MEF2C: variants seen among roughly 807,000 people sequenced by gnomAD.
MEF2C encodes myocyte-specific enhancer factor 2C.
Under a neutral mutation model 50.5 loss-of-function variants are expected in MEF2C, and 6 were observed. The ratio of observed to expected loss-of-function variants is 0.12; its 90% CI spans 0.07 to 0.23. The LOEUF (loss-of-function observed/expected upper bound fraction) is 0.23. Ranked by LOEUF, MEF2C falls within the 10% of genes least tolerant of loss-of-function variation. MEF2C has a pLI of 1.00. For synonymous variants in MEF2C, 183 were observed against 228.0 expected, an observed-to-expected ratio of 0.80 and a Z score of 1.78; for missense variants, 276 against 605.0, an observed-to-expected ratio of 0.46 and a Z score of 5.70.
At chr5:88,782,375 A>G (rs1788530593) in intron 3 of MEF2C, among the ~76,000 whole-genome samples, 2 of 151,940 alleles carry the variant, frequency 1.3e-5, no homozygotes, top group African/African-American at 4.8e-5. Context: ...CTGAGGCAGG[A>G]GAATCACTTG....
chr5:88,856,066 G>T (rs1823214415), intron 1 of MEF2C, among the ~76,000 whole-genome samples: 1 of 152,146 alleles, frequency 6.6e-6, no homozygotes, highest in Non-Finnish European at 1.5e-5. Flanking sequence ...ATAGTGATAT[G>T]GACAATGAAA....
intron 6 of MEF2C, chr5:88,748,200 T>C (rs1770849231): frequency 6.1e-6 from 6 of 983,574 alleles, no homozygotes; most frequent in Non-Finnish European, 7.2e-6. Flanking sequence ...CAGGCTATTC[T>C]ACTTGACCCT....
intron 1 of MEF2C, among the ~76,000 whole-genome samples, chr5:88,881,565 C>G (rs928154668): frequency 6.6e-6 from 1 of 152,002 alleles, no homozygotes; most frequent in African/African-American, 2.4e-5. Flanking sequence ...CTATTTAAAG[C>G]TAAAATTGGT....
intron 1 of MEF2C, among the ~76,000 whole-genome samples, chr5:88,835,856 T>C (rs1814895674): frequency 7.0e-6 from 1 of 143,512 alleles, no homozygotes; most frequent in African/African-American, 2.6e-5. Flanking sequence ...TTCTAATAAA[T>C]AGAAAATTAA....
chr5:88,841,507 A>C (rs1272153064), intron 1 of MEF2C, among the ~76,000 whole-genome samples: 1 of 50,630 alleles, frequency 2.0e-5, no homozygotes, highest in Non-Finnish European at 3.3e-5. Context: ...ACTTTGTCTC[A>C]AAAAAAAAAA....
intron 1 of MEF2C, among the ~76,000 whole-genome samples, chr5:88,844,867 A>G (rs1006513905): frequency 6.6e-6 from 1 of 152,202 alleles, no homozygotes; most frequent in Non-Finnish European, 1.5e-5. Flanking sequence ...TTGACAATGA[A>G]TTGGAAAAAT....
rs3850652 is a variant in MEF2C at position 88,888,931 on chromosome 5, A to C, written c.-239-1333T>G. 5.3e-5 allele frequency: 8 copies of C among 152,148 alleles called. No homozygotes were observed. In the East Asian group the frequency reaches 1.5e-3, roughly 29 times the overall value. 9.4% of individuals were successfully genotyped at this position (152,148 alleles called of 1,614,324 possible). A position where few individuals can be genotyped will look rare whatever the true frequency, so the allele number is the denominator to read the frequency against. ...TTCATCAGAACATTGATTCTATCCC[A>C]TTTCTTGAAATATCACAGAAACCTT... On this transcript the variant is annotated intron_variant, in intron 1 of 11. Transcript: ENST00000340208.
chr5:88,898,549 A>G (rs901375124), intron 1 of MEF2C, among the ~76,000 whole-genome samples: 6 of 152,260 alleles, frequency 3.9e-5, no homozygotes, highest in African/African-American at 1.2e-4. Flanking sequence ...CTTCTCTGTA[A>G]AGAGATTTTC....
intron 1 of MEF2C, among the ~76,000 whole-genome samples, chr5:88,869,284 T>TAC (rs1828623605): frequency 9.1e-5 from 8 of 87,874 alleles, no homozygotes; most frequent in African/African-American, 1.9e-4. Context: ...TATACATATA[T>TAC]ATATATATAT....
chr5:88,873,693 T>C (rs187932221), intron 1 of MEF2C, among the ~76,000 whole-genome samples: 2 of 139,776 alleles, frequency 1.4e-5, no homozygotes, highest in Admixed American at 1.5e-4. Context: ...TGCAAATCTA[T>C]CAATGTCGTC....
intron 1 of MEF2C, among the ~76,000 whole-genome samples, chr5:88,841,853 T>C (rs960345107): frequency 2.0e-5 from 3 of 152,248 alleles, no homozygotes; most frequent in Non-Finnish European, 4.4e-5. Context: ...TACACACTCC[T>C]GATAGCACAT....
At chr5:88,761,429 C>T (rs934796449) in intron 3 of MEF2C, 101 bp from the exon 4 acceptor site, 2 of 1,359,358 alleles carry the variant, frequency 1.5e-6, no homozygotes, top group African/African-American at 2.9e-5. Context: ...CAGGTTATTA[C>T]ATATGCTTTA....
At chr5:88,760,802 C>A (rs1450035469) in intron 4 of MEF2C, among the ~76,000 whole-genome samples, 5 of 152,162 alleles carry the variant, frequency 3.3e-5, no homozygotes, top group Non-Finnish European at 7.4e-5. Context: ...TCGATGGCAA[C>A]TCTGTTAGAT....
chr5:88,896,841 C>T (rs558422418), intron 1 of MEF2C, among the ~76,000 whole-genome samples: 1 of 152,228 alleles, frequency 6.6e-6, no homozygotes, highest in Admixed American at 6.5e-5. Context: ...TTCCTTCCAT[C>T]TGTCATTCAT....
chr5:88,759,438 T>C (rs543986505), intron 4 of MEF2C, among the ~76,000 whole-genome samples: 51 of 152,226 alleles, frequency 3.4e-4, no homozygotes, highest in Non-Finnish European at 6.0e-4. Context: ...GTGGAGATCG[T>C]GCCATTGCAC....
intron 1 of MEF2C, among the ~76,000 whole-genome samples, chr5:88,830,529 C>T (rs368105462): frequency 6.6e-6 from 1 of 151,964 alleles, no homozygotes; most frequent in Non-Finnish European, 1.5e-5. Context: ...TCATAGTTAT[C>T]CATGGTCTAT....
chr5:88,740,801 G>T (rs1766331408), intron 6 of MEF2C: 14 of 984,990 alleles, frequency 1.4e-5, no homozygotes, highest in Non-Finnish European at 1.7e-5. Flanking sequence ...ATTTAACTAT[G>T]AATGATAGAT....
Position 88,718,625 on chromosome 5 carries a change from G to A in MEF2C, c.*3979C>T, listed in dbSNP as rs1327212072. 1 of 152,200 alleles carries A rather than the reference G, an allele frequency of 6.6e-6. No homozygotes were observed. Among genetic ancestry groups the A allele is most frequent in the East Asian group, 1.9e-4 (1 of 5,200 alleles). The allele number at this position is 152,200 out of a possible 1,614,324, so 9.4% of individuals were successfully genotyped here. A position where few individuals can be genotyped will look rare whatever the true frequency, so the allele number is the denominator to read the frequency against. On this transcript the variant is annotated 3_prime_UTR_variant, in exon 11 of 11. Transcript: ENST00000504921. The stretch of plus-strand genomic sequence containing the variant: ...GTGACCCAGGTCTACTTTGCTCGAA[G>A]AGAACACTGGTACTGCATTCAAACC...
At chr5:88,830,077 C>A (rs887702134) in intron 1 of MEF2C, among the ~76,000 whole-genome samples, 3 of 151,966 alleles carry the variant, frequency 2.0e-5, no homozygotes, top group African/African-American at 7.2e-5. Flanking sequence ...GCAATTCTGA[C>A]AGATAATGCC....
Sources: allele counts gnomAD v4.1 joint callset (sites outside exome capture counted in the v4.1 genomes callset), GRCh38; gene constraint gnomAD v4.1.1; transcripts MANE v1.5; gene names NCBI Gene and HGNC (gene_info 2026-07-23, HGNC 2026-07-21).